Variants in ERC1 observed in about 807,000 individuals in gnomAD.
ERC1 encodes the protein ELKS/RAB6-interacting/CAST family member 1.
Under a neutral mutation model 132.0 loss-of-function variants are expected in ERC1, and 56 were observed. The ratio of observed to expected loss-of-function variants is 0.42; its 90% CI spans 0.34 to 0.53. The LOEUF is 0.53. Among genes scored for constraint, ERC1 ranks in the 20% least tolerant of loss-of-function variants. ERC1 has a pLI of 0.03. For synonymous variants in ERC1, 478 were observed against 476.1 expected (o/e 1.00, Z -0.05); for missense variants, 1,202 against 1,349.9 (o/e 0.89, Z 1.72).
intron 13 of ERC1, among the ~76,000 whole-genome samples, chr12:1,257,985 G>C (rs1189183174): frequency 6.6e-6 from 1 of 151,998 alleles, no homozygotes; most frequent in African/African-American, 2.4e-5. Flanking sequence ...TCTCAGTTTG[G>C]ACTAGCCACG....
intron 13 of ERC1, among the ~76,000 whole-genome samples, chr12:1,254,880 A>G (rs1045405772): frequency 1.3e-5 from 2 of 152,102 alleles, no homozygotes; most frequent in Admixed American, 1.3e-4. Flanking sequence ...AAATCAGGCT[A>G]ATTAACATAT....
At chr12:1,314,974 G>T (rs1207569844) in intron 15 of ERC1, among the ~76,000 whole-genome samples, 1 of 152,074 alleles carries the variant, frequency 6.6e-6, no homozygotes, top group Non-Finnish European at 1.5e-5. Flanking sequence ...CTTGCCAAAT[G>T]GTCTAATGCC....
intron 17 of ERC1, among the ~76,000 whole-genome samples, chr12:1,435,598 G>C (rs937171325): frequency 6.6e-6 from 1 of 152,066 alleles, no homozygotes; most frequent in Non-Finnish European, 1.5e-5. Context: ...CAAAGTTCTT[G>C]GGCCACTATT....
At position 1,126,986 on chromosome 12, in the gene ERC1, C is replaced by CAAA. The variant is rs71055135; in HGVS notation, c.1569+10978_1569+10980dup. On this transcript the variant is annotated intron_variant, in intron 7 of 18. Transcript: ENST00000360905. ...CTGGCGACAGAGTGAGATTCTGTCT[C>CAAA]AAAAAAAAAAAAAAAAAAAAAAAAA... Among the ~76,000 whole-genome samples, 304 of 114,128 alleles carry CAAA rather than the reference C, an allele frequency of 2.7e-3. 10 individuals carry two copies. Among genetic ancestry groups the CAAA allele is most frequent in the Middle Eastern group, 4.7e-3 (1 of 214 alleles). 74.9% of individuals were successfully genotyped at this position (114,128 alleles called of 152,430 possible).
chr12:1,018,130 A>G (rs1462473635), intron 1 of ERC1, among the ~76,000 whole-genome samples: 1 of 152,184 alleles, frequency 6.6e-6, no homozygotes, highest in Non-Finnish European at 1.5e-5. Context: ...TTAGTTAATT[A>G]TTTTCAGGGG....
At chr12:1,426,484 C>G (rs2092645627) in intron 17 of ERC1, among the ~76,000 whole-genome samples, 1 of 152,056 alleles carries the variant, frequency 6.6e-6, no homozygotes, top group Non-Finnish European at 1.5e-5. Context: ...TGGAAGATAC[C>G]AGATTTCTGG....
Position 1,327,869 on chromosome 12 carries a change from A to G in ERC1, c.2780+37857A>G, listed in dbSNP as rs1404847515. The stretch of plus-strand genomic sequence containing the variant: ...TTTTTTTTTTACAAATATGCTCCTC[A>G]GTATCTTCATCATCAAGAAATGTCG... On this transcript the variant is annotated intron_variant, in intron 15 of 18. Transcript: ENST00000360905. Among the ~76,000 whole-genome samples, 5 of 151,880 alleles carry G rather than the reference A, an allele frequency of 3.3e-5. No homozygotes were observed. In the East Asian group the frequency reaches 9.6e-4, roughly 29 times the overall value.
chr12:1,001,577 TTTTTGTGTGTGTAGACC>T (rs1265509274), intron 1 of ERC1, among the ~76,000 whole-genome samples: 4 of 152,288 alleles, frequency 2.6e-5, no homozygotes, highest in African/African-American at 9.6e-5. Flanking sequence ...TCACCTTCTT[TTTTTGTGTGTGTAGACC>T]TTTTTAGTTT....
intron 18 of ERC1, among the ~76,000 whole-genome samples, chr12:1,455,478 T>C (rs2093512342): frequency 6.6e-6 from 1 of 152,204 alleles, no homozygotes; most frequent in Admixed American, 6.5e-5. Context: ...GAATCGCCGA[T>C]CACTGAAATT....
chr12:1,370,054 C>T (rs764030154), intron 15 of ERC1, among the ~76,000 whole-genome samples: 6 of 152,184 alleles, frequency 3.9e-5, no homozygotes, highest in Admixed American at 6.6e-5. Context: ...AAGACAGAAG[C>T]AAGGTTAAAC....
intron 5 of ERC1, among the ~76,000 whole-genome samples, chr12:1,110,807 A>G (rs780556058): frequency 6.6e-6 from 1 of 151,948 alleles, no homozygotes; most frequent in Non-Finnish European, 1.5e-5. Context: ...TGTTCAAGTG[A>G]TTTTCCTGCC....
intron 3 of ERC1, among the ~76,000 whole-genome samples, chr12:1,092,018 A>T (rs1230869663): frequency 1.1e-5 from 1 of 87,084 alleles, no homozygotes. Context: ...TTTTTTTTTG[A>T]GACGGAGTCT....
At chr12:1,424,864 C>CTAGCTAGCTAGATA (rs2092577951) in intron 17 of ERC1, among the ~76,000 whole-genome samples, 2 of 100,950 alleles carry the variant, frequency 2.0e-5, no homozygotes, top group African/African-American at 7.5e-5. Flanking sequence ...ATAGATAGAT[C>CTAGCTAGCTAGATA]GATAGATAGA....
intron 18 of ERC1, among the ~76,000 whole-genome samples, chr12:1,488,475 A>AGGCAGAG (rs2094274781): frequency 6.6e-6 from 1 of 152,162 alleles, no homozygotes; most frequent in African/African-American, 2.4e-5. Context: ...GGATTACTTG[A>AGGCAGAG]GCCTGGGCGT....
At chr12:1,241,960 G>C (rs574465474) in intron 13 of ERC1, among the ~76,000 whole-genome samples, 47 of 143,896 alleles carry the variant, frequency 3.3e-4, no homozygotes, top group African/African-American at 1.1e-3. Context: ...CTGGGTTCAA[G>C]TGATTCTCCT....
intron 15 of ERC1, among the ~76,000 whole-genome samples, chr12:1,367,951 CTTT>C (rs59027116): frequency 1.0e-4 from 12 of 118,524 alleles, no homozygotes; most frequent in Non-Finnish European, 1.2e-4. Flanking sequence ...CCACATTTTC[CTTT>C]TTTTTTTTTT....
chr12:1,064,293 A>G (rs1228054346), intron 2 of ERC1, among the ~76,000 whole-genome samples: 1 of 151,644 alleles, frequency 6.6e-6, no homozygotes, highest in Non-Finnish European at 1.5e-5. Flanking sequence ...AGGCACAATC[A>G]TGTCTCACGA....
chr12:993,746 A>G (rs977736049), intron 1 of ERC1, among the ~76,000 whole-genome samples: 8 of 152,162 alleles, frequency 5.3e-5, no homozygotes, highest in African/African-American at 1.4e-4. Flanking sequence ...TACTAAAAAT[A>G]TAAGAATTAG....
intron 18 of ERC1, among the ~76,000 whole-genome samples, chr12:1,458,278 A>G (rs2093579478): frequency 6.6e-6 from 1 of 152,256 alleles, no homozygotes; most frequent in Non-Finnish European, 1.5e-5. Context: ...GAGACTGGTT[A>G]CATACCAGGA....
Sources: allele counts gnomAD v4.1 joint callset (sites outside exome capture counted in the v4.1 genomes callset), GRCh38; gene constraint gnomAD v4.1.1; transcripts MANE v1.5; gene names NCBI Gene and HGNC (gene_info 2026-07-23, HGNC 2026-07-21).